ANXA4: variants seen among roughly 807,000 people sequenced by gnomAD.
ANXA4 encodes the protein 35-beta calcimedin.
In ANXA4, 39 loss-of-function variants were observed where a neutral mutation model predicts 49.8. That is an observed-to-expected ratio of 0.78 (90% CI 0.61 to 1.02). The LOEUF (loss-of-function observed/expected upper bound fraction) is 1.02. Among genes scored for constraint, ANXA4 ranks in the 50% least tolerant of loss-of-function variants. The pLI is 0.00. For missense variants in ANXA4, 360 were observed against 410.1 expected, an observed-to-expected ratio of 0.88 and a Z score of 1.05; for synonymous variants, 134 against 152.5, an observed-to-expected ratio of 0.88 and a Z score of 0.89.
chr2:69,657,324 G>A (rs894111296), intron 2 of ANXA4, among the ~76,000 whole-genome samples: 2 of 151,746 alleles, frequency 1.3e-5, no homozygotes, highest in South Asian at 2.1e-4. Flanking sequence ...CCTTGTACTC[G>A]CTCATATATT....
intron 2 of ANXA4, among the ~76,000 whole-genome samples, chr2:69,686,839 T>A (rs78804599): frequency 0.017 from 2,600 of 152,346 alleles, 73 homozygotes; most frequent in African/African-American, 0.06. Context: ...TGCAAGTTTG[T>A]GCACATGGGC....
At chr2:69,725,001 T>C (rs1391893155) in intron 3 of ANXA4, among the ~76,000 whole-genome samples, 1 of 152,236 alleles carries the variant, frequency 6.6e-6, no homozygotes. Context: ...GGAATAATTG[T>C]TTCATGGCAC....
rs1674474471 is a variant in ANXA4 at position 69,826,426 on chromosome 2, A to G, written c.*911A>G. 6.6e-6 allele frequency: 1 copy of G among 152,622 alleles called. No individual in the cohort carries two copies. The highest frequency in any genetic ancestry group is 6.5e-5 in the Admixed American group (1 of 15,282). 9.5% of individuals were successfully genotyped at this position (152,622 alleles called of 1,614,324 possible). On this transcript the variant is annotated 3_prime_UTR_variant, in exon 13 of 13. Coordinates refer to ENST00000394295, the MANE Select transcript of ANXA4 (RefSeq NM_001153.5). ...TTTCAACTCCAGAAACATTCTGAAG[A>G]TGTACTTGGATTTAATTAAAAAGTT...
chr2:69,823,177 G>A (rs1426851270), intron 12 of ANXA4, among the ~76,000 whole-genome samples: 2 of 150,712 alleles, frequency 1.3e-5, no homozygotes, highest in Admixed American at 6.6e-5. Flanking sequence ...AAATGATTGA[G>A]TACAAATATA....
intron 2 of ANXA4, among the ~76,000 whole-genome samples, chr2:69,700,754 T>G (rs1048730662): frequency 6.6e-6 from 1 of 152,234 alleles, no homozygotes; most frequent in Admixed American, 6.5e-5. Context: ...TTAAGCTGTT[T>G]GAAGATTTTG....
chr2:69,770,576 G>A (rs139955047), intron 1 of ANXA4, among the ~76,000 whole-genome samples: 66 of 152,244 alleles, frequency 4.3e-4, no homozygotes, highest in African/African-American at 1.5e-3. Flanking sequence ...AATGGAGGCC[G>A]CCAAGTTGTG....
intron 1 of ANXA4, among the ~76,000 whole-genome samples, chr2:69,744,383 A>C (rs777199657): frequency 6.6e-6 from 1 of 152,222 alleles, no homozygotes; most frequent in Non-Finnish European, 1.5e-5. Context: ...AATATTTGAA[A>C]TTAAAAAACA....
chr2:69,734,509 G>C (rs1287710784), intron 3 of ANXA4, among the ~76,000 whole-genome samples: 4 of 152,176 alleles, frequency 2.6e-5, no homozygotes, highest in Non-Finnish European at 5.9e-5. Context: ...CAATAACGTG[G>C]ACCTGACAAG....
At chr2:69,713,817 T>C (rs1362260771) in intron 2 of ANXA4, 1 of 152,216 alleles carries the variant, frequency 6.6e-6, no homozygotes, top group Non-Finnish European at 1.5e-5. Flanking sequence ...TTGAGGAGTT[T>C]TGCCTTTCAC....
Position 69,714,494 on chromosome 2 carries a change from C to T in ANXA4, n.767-6280C>T, listed in dbSNP as rs1678808361. On this transcript the variant is annotated intron_variant and non_coding_transcript_variant, in intron 2 of 3. Transcript: ENST00000418066. ...GTGACCGAAAACTCACATAACACTCCACCTGCCCCAGTCCAGCCAGCCTGC... is the reference window on the plus strand; with the variant it reads ...GTGACCGAAAACTCACATAACACTCTACCTGCCCCAGTCCAGCCAGCCTGC... Among the ~76,000 whole-genome samples, 6 of 152,348 alleles carry T rather than the reference C, an allele frequency of 3.9e-5. No individual in the cohort carries two copies. In the South Asian group the frequency reaches 1.2e-3, roughly 32 times the overall value.
chr2:69,810,859 T>G, intron 7 of ANXA4, 186 bp downstream of exon 7: 2 of 583,376 alleles, frequency 3.4e-6, no homozygotes, highest in South Asian at 4.1e-5. Context: ...GCCCATTTTT[T>G]CTACTTTAAT....
intron 2 of ANXA4, among the ~76,000 whole-genome samples, chr2:69,686,238 G>A (rs1249978279): frequency 4.6e-5 from 7 of 151,910 alleles, no homozygotes; most frequent in Non-Finnish European, 1.0e-4. Flanking sequence ...AGGCTGGAGT[G>A]CAATGGCGTG....
At chr2:69,646,845 CT>C (rs1676025897) in intron 1 of ANXA4, among the ~76,000 whole-genome samples, 1 of 152,218 alleles carries the variant, frequency 6.6e-6, no homozygotes, top group African/African-American at 2.4e-5. Context: ...CCCCCAACCC[CT>C]GTTCCACAAA....
At chr2:69,686,897 A>G (rs1677809717) in intron 2 of ANXA4, among the ~76,000 whole-genome samples, 1 of 152,244 alleles carries the variant, frequency 6.6e-6, no homozygotes, top group African/African-American at 2.4e-5. Context: ...AAGGGAGGTG[A>G]TAACCCTGCT....
At position 69,707,257 on chromosome 2, in the gene ANXA4, G is replaced by A. The variant is rs541285289; in HGVS notation, n.767-13517G>A. Among the ~76,000 whole-genome samples, 7 of 152,206 alleles carry A rather than the reference G, an allele frequency of 4.6e-5. No homozygotes were observed. In the South Asian group the frequency reaches 6.2e-4, roughly 14 times the overall value. On this transcript the variant is annotated intron_variant and non_coding_transcript_variant, in intron 2 of 3. Coordinates refer to the ANXA4 transcript ENST00000418066. ...TGTTCCCTTTTGGAAAGTAGGTCTC[G>A]GCTAGCATTTCAGTTTCTTCTATAG... is the stretch of plus-strand genomic sequence containing the variant.
intron 2 of ANXA4, chr2:69,713,648 G>A (rs35907069): frequency 0.099 from 15,047 of 152,196 alleles, 840 homozygotes; most frequent in African/African-American, 0.15. Context: ...GTAACATAAC[G>A]AGTTGGGTCT....
intron 3 of ANXA4, among the ~76,000 whole-genome samples, chr2:69,792,609 G>GC (rs1558503725): frequency 2.0e-5 from 3 of 150,638 alleles, no homozygotes; most frequent in African/African-American, 7.3e-5. Context: ...GATTTTTACA[G>GC]TTTTTTTTTA....
intron 11 of ANXA4, among the ~76,000 whole-genome samples, chr2:69,819,775 A>T (rs1004721854): frequency 6.6e-6 from 1 of 152,094 alleles, no homozygotes; most frequent in Admixed American, 6.5e-5. Context: ...GAAGGTCAAA[A>T]TGTAGTCTTT....
At chr2:69,758,987 T>C (rs1319179811) in intron 1 of ANXA4, among the ~76,000 whole-genome samples, 1 of 152,000 alleles carries the variant, frequency 6.6e-6, no homozygotes, top group Non-Finnish European at 1.5e-5. Flanking sequence ...GTTCTAAAAA[T>C]TAGTTGGGTA....
Sources: gnomAD v4.1 joint callset for allele counts (sites outside exome capture counted in the v4.1 genomes callset) on GRCh38, gnomAD v4.1.1 for gene constraint, MANE v1.5 for transcripts, NCBI Gene and HGNC (gene_info 2026-07-23, HGNC 2026-07-21) for gene names.